The following PLPPR5 variants were observed in gnomAD, a reference collection of about 807,000 sequenced individuals.
The protein encoded by PLPPR5 is phospholipid phosphatase-related protein type 5.
Under a neutral mutation model 33.9 loss-of-function variants are expected in PLPPR5, and 16 were observed. That is an observed-to-expected ratio of 0.47 (90% CI 0.32 to 0.72). PLPPR5 has a LOEUF of 0.72. Among genes scored for constraint, PLPPR5 ranks in the 30% least tolerant of loss-of-function variants. The pLI is 0.03. For synonymous variants in PLPPR5, 163 were observed against 150.3 expected, an observed-to-expected ratio of 1.08 and a Z score of -0.62; for missense variants, 301 against 406.7, an observed-to-expected ratio of 0.74 and a Z score of 2.23.
intron 1 of PLPPR5, among the ~76,000 whole-genome samples, chr1:98,962,868 A>G (rs1018922976): frequency 3.9e-4 from 60 of 152,142 alleles, no homozygotes; most frequent in African/African-American, 1.3e-3. Context: ...AGGTCTTGCT[A>G]TGTTGCCGGT....
At chr1:98,906,094 G>T (rs1648885216) in intron 5 of PLPPR5, among the ~76,000 whole-genome samples, 1 of 151,342 alleles carries the variant, frequency 6.6e-6, no homozygotes. Flanking sequence ...TATATACCTA[G>T]TATATATACA....
intron 1 of PLPPR5, among the ~76,000 whole-genome samples, chr1:98,965,204 C>A (rs1453183965): frequency 6.6e-6 from 1 of 152,112 alleles, no homozygotes; most frequent in South Asian, 2.1e-4. Context: ...TGACAGTTTA[C>A]CTCATTGGGA....
chr1:98,994,172 G>A (rs1038571743), intron 1 of PLPPR5, among the ~76,000 whole-genome samples: 2 of 151,718 alleles, frequency 1.3e-5, no homozygotes, highest in Non-Finnish European at 2.9e-5. Flanking sequence ...TTTGTCTGGA[G>A]AAAGGAAGGA....
chr1:98,954,704 A>G (rs1423988753), intron 2 of PLPPR5, among the ~76,000 whole-genome samples: 1 of 152,134 alleles, frequency 6.6e-6, no homozygotes, highest in East Asian at 1.9e-4. Flanking sequence ...TTAACATCTC[A>G]CCAGCATTGT....
chr1:98,913,861 C>T lies in PLPPR5; in HGVS notation c.933+925G>A, dbSNP rs560807761. 5.3e-5 allele frequency among the ~76,000 whole-genome samples: 8 copies of T among 152,262 alleles called. No individual in the cohort carries two copies. In the East Asian group the frequency reaches 1.4e-3, roughly 26 times the overall value. On this transcript the variant is annotated intron_variant, in intron 5 of 5. Transcript: ENST00000263177. ...AGGAAATATTATCCTATGTGGTTCA[C>T]AAAAGTCTCAAGAAAAGTATTTACC...
chr1:98,941,472 A>G (rs1241199331), intron 3 of PLPPR5, among the ~76,000 whole-genome samples: 1 of 151,488 alleles, frequency 6.6e-6, no homozygotes, highest in Non-Finnish European at 1.5e-5. Flanking sequence ...AAGGTGAGAA[A>G]GTGTAAAATA....
Position 98,928,548 on chromosome 1 carries a change from C to CATATATATATAT in PLPPR5, c.622-6502_622-6491dup, listed in dbSNP as rs60624111. On this transcript the variant is annotated intron_variant, in intron 3 of 5. Coordinates refer to ENST00000263177, the MANE Select transcript of PLPPR5 (RefSeq NM_001037317.2). ...AAAAAACTATTAGAAAGTTTTAAAT[C>CATATATATATAT]ATATATATATATATATATATATATG... 3.1e-3 allele frequency among the ~76,000 whole-genome samples: 226 copies of CATATATATATAT among 73,882 alleles called. 13 individuals are homozygous for CATATATATATAT. The highest frequency in any genetic ancestry group is 7.7e-3 in the African/African-American group (190 of 24,792). 48.5% of individuals were successfully genotyped at this position (73,882 alleles called of 152,430 possible). A position where few individuals can be genotyped will look rare whatever the true frequency, so the allele number is the denominator to read the frequency against.
In PLPPR5 at chr1:99,004,554, C is replaced by G; in HGVS notation, c.118G>C (p.Val40Leu). The G allele has an allele frequency of 3.1e-6, 5 of 1,613,114 alleles. No homozygotes were observed. The highest frequency in any genetic ancestry group is 4.2e-6 in the Non-Finnish European group (5 of 1,179,858). Reference sequence around the variant, plus strand: ...CTGTCGTGGCAGAAGAAGCCCTGCACGTTCACGGTGAACGTGTCCGTATAC... The same window carrying G: ...CTGTCGTGGCAGAAGAAGCCCTGCAGGTTCACGGTGAACGTGTCCGTATAC... ...FEYTDTFTVN[V>L]QGFFCHDSAY... Residue 40 changes from valine (V) to leucine (L), a missense_variant, in exon 1 of 6, where the codon GTG becomes CTG. Val to Leu is a conservative substitution (Grantham distance 32, BLOSUM62 1). Transcript: ENST00000263177.
chr1:98,986,132 T>G (rs1233601142), intron 1 of PLPPR5, among the ~76,000 whole-genome samples: 1 of 151,976 alleles, frequency 6.6e-6, no homozygotes, highest in Non-Finnish European at 1.5e-5. Context: ...TTAAATTAAG[T>G]AATGGATATT....
chr1:98,915,405 C>T (rs189454392), intron 4 of PLPPR5, among the ~76,000 whole-genome samples: 2,686 of 152,188 alleles, frequency 0.018, 85 homozygotes, highest in African/African-American at 0.061. Flanking sequence ...ATTAACCTAG[C>T]TTATCGTCTA....
rs371210232 is a variant in PLPPR5, at chr1:98,979,097, C to A, written c.238-22356G>T. On this transcript the variant is annotated intron_variant, in intron 1 of 5. Coordinates refer to ENST00000263177, the MANE Select transcript of PLPPR5 (RefSeq NM_001037317.2). Reference sequence around the variant, plus strand: ...TACGTAAAACAGTGACTGAGTACCTCCCAGGTCCCAGGCATTCTTCTAGGT... The same window carrying A: ...TACGTAAAACAGTGACTGAGTACCTACCAGGTCCCAGGCATTCTTCTAGGT... 4.7e-4 allele frequency among the ~76,000 whole-genome samples: 72 copies of A among 152,158 alleles called. No individual in the cohort carries two copies. In the South Asian group the frequency reaches 0.015, roughly 31 times the overall value.
intron 2 of PLPPR5, among the ~76,000 whole-genome samples, chr1:98,954,499 T>C (rs937432896): frequency 4.6e-5 from 7 of 152,132 alleles, no homozygotes; most frequent in Non-Finnish European, 8.8e-5. Flanking sequence ...ACCATAAAAG[T>C]TGTACCAGAT....
At chr1:98,990,852 C>T (rs576075520) in intron 1 of PLPPR5, 1 of 151,616 alleles carries the variant, frequency 6.6e-6, no homozygotes, top group Non-Finnish European at 1.5e-5. Context: ...AGTGTCTAAA[C>T]TAATTTTAAT....
At chr1:98,964,054 G>A (rs749565640) in intron 1 of PLPPR5, among the ~76,000 whole-genome samples, 2 of 152,014 alleles carry the variant, frequency 1.3e-5, no homozygotes, top group East Asian at 1.9e-4. Flanking sequence ...CTGGAATCAC[G>A]CGCTACCATT....
intron 1 of PLPPR5, among the ~76,000 whole-genome samples, chr1:98,980,299 T>C (rs899911201): frequency 6.6e-6 from 1 of 152,094 alleles, no homozygotes; most frequent in Non-Finnish European, 1.5e-5. Context: ...TGCAAACTTT[T>C]ATGTGTTTTC....
At chr1:98,918,918 T>C (rs1030974517) in intron 4 of PLPPR5, among the ~76,000 whole-genome samples, 2 of 152,208 alleles carry the variant, frequency 1.3e-5, no homozygotes, top group Non-Finnish European at 2.9e-5. Flanking sequence ...TTGTTCTAGT[T>C]ATTGGGGATA....
chr1:98,909,585 A>G (rs1027002839), intron 5 of PLPPR5, among the ~76,000 whole-genome samples: 4 of 151,948 alleles, frequency 2.6e-5, no homozygotes, highest in Non-Finnish European at 4.4e-5. Context: ...TGCTTTTACC[A>G]TTAACTTATT....
chr1:98,932,565 T>C (rs1650017904), intron 3 of PLPPR5, among the ~76,000 whole-genome samples: 1 of 152,232 alleles, frequency 6.6e-6, no homozygotes, highest in Admixed American at 6.5e-5. Flanking sequence ...CTTTCAGCCT[T>C]ATGCATTACT....
intron 1 of PLPPR5, among the ~76,000 whole-genome samples, chr1:98,996,008 T>C (rs1460800847): frequency 2.6e-5 from 4 of 152,082 alleles, no homozygotes; most frequent in South Asian, 2.1e-4. Flanking sequence ...TAAAATACAA[T>C]ATAAAGTATA....
Sources: gnomAD v4.1 joint callset for allele counts (sites outside exome capture counted in the v4.1 genomes callset) on GRCh38, gnomAD v4.1.1 for gene constraint, MANE v1.5 for transcripts, NCBI Gene and HGNC (gene_info 2026-07-23, HGNC 2026-07-21) for gene names.